Variants in SPRTN observed in about 807,000 individuals in gnomAD.
SPRTN encodes SprT-like N-terminal domain.
A neutral mutation model predicts 31.9 loss-of-function variants in SPRTN; 11 were observed. The observed-to-expected ratio is 0.34, with a 90% CI of 0.22 to 0.57. The LOEUF is 0.57. Ranked by LOEUF, SPRTN falls within the 20% of genes least tolerant of loss-of-function variation. The pLI is 0.86. For missense variants in SPRTN, 482 were observed against 590.1 expected, an observed-to-expected ratio of 0.82 and a Z score of 1.90; for synonymous variants, 185 against 212.1, an observed-to-expected ratio of 0.87 and a Z score of 1.11.
At chr1:231,346,603 A>C (rs913585098) in intron 2 of SPRTN, among the ~76,000 whole-genome samples, 2 of 151,768 alleles carry the variant, frequency 1.3e-5, no homozygotes, top group Non-Finnish European at 2.9e-5. Context: ...TTATACATAT[A>C]TTTTTCTGAG....
At chr1:231,341,916 G>A (rs977381048) in intron 2 of SPRTN, among the ~76,000 whole-genome samples, 1 of 151,830 alleles carries the variant, frequency 6.6e-6, no homozygotes, top group African/African-American at 2.4e-5. Flanking sequence ...AACTCGGGAG[G>A]TGGAGGTTAC....
At chr1:231,351,205 T>TA (rs35814914) in intron 3 of SPRTN, 99 bp from the exon 4 acceptor site, 71,681 of 960,828 alleles carry the variant, frequency 0.075, 565 homozygotes, top group Admixed American at 0.1. Flanking sequence ...TTTCAAAAAT[T>TA]AAAAAAAAAA....
At chr1:231,340,059 A>C (rs1371281615) in intron 2 of SPRTN, 191 bp downstream of exon 2, 2 of 500,796 alleles carry the variant, frequency 4.0e-6, no homozygotes, top group Non-Finnish European at 6.9e-6. Flanking sequence ...AAAAAAAAAA[A>C]AACAAAAAAA....
rs920124525 is a variant in SPRTN at position 231,352,893 on chromosome 1, A to G, written c.1002A>G (p.Arg334=). The part of the protein sequence containing the change: ...HQNVLSNYFP[R]VSFANQKAFR... Reference sequence around the variant, plus strand: ...ATGTTCTAAGCAACTACTTTCCTAGAGTATCATTTGCCAACCAAAAGGCTT... The same window carrying G: ...ATGTTCTAAGCAACTACTTTCCTAGGGTATCATTTGCCAACCAAAAGGCTT... Residue 334 remains arginine (R), a synonymous_variant, in exon 5 of 5, where the codon AGA becomes AGG. Transcript: ENST00000295050. 1.4e-5 allele frequency: 23 copies of G among 1,614,170 alleles called. No homozygotes were observed. Among genetic ancestry groups the G allele is most frequent in the Non-Finnish European group, 1.9e-5 (23 of 1,180,006 alleles).
intron 1 of SPRTN, 83 bp downstream of exon 1, chr1:231,338,687 T>C: frequency 1.2e-5 from 18 of 1,526,068 alleles, no homozygotes; most frequent in Non-Finnish European, 1.6e-5. Context: ...CTCCTTTCTC[T>C]AGTCCGACGG....
rs1037032213 is a variant in SPRTN at position 231,353,598 on chromosome 1, C to G, written c.*237C>G. 1.7e-6 allele frequency: 2 copies of G among 1,178,724 alleles called. No individual in the cohort carries two copies. Among genetic ancestry groups the G allele is most frequent in the Non-Finnish European group, 2.1e-6 (2 of 953,368 alleles). 73.0% of individuals were successfully genotyped at this position (1,178,724 alleles called of 1,614,324 possible). The stretch of plus-strand genomic sequence containing the variant: ...ATACTGTAACCCAGGTTCTGCCTGT[C>G]GTGTATAAGTTTTAGATACTTTTGT... On this transcript the variant is annotated 3_prime_UTR_variant, in exon 5 of 5. Coordinates refer to ENST00000295050, the MANE Select transcript of SPRTN (RefSeq NM_032018.7).
chr1:231,341,327 T>C (rs1479019601), intron 2 of SPRTN, among the ~76,000 whole-genome samples: 1 of 151,902 alleles, frequency 6.6e-6, no homozygotes, highest in Non-Finnish European at 1.5e-5. Flanking sequence ...CAGAAGTGTT[T>C]CAGATTTTTT....
Position 231,353,596 on chromosome 1 carries a change from G to C in SPRTN, c.*235G>C. 8.4e-7 allele frequency: 1 copy of C among 1,185,206 alleles called. No homozygotes were observed. Among genetic ancestry groups the C allele is most frequent in the Non-Finnish European group, 1.0e-6 (1 of 957,462 alleles). The allele number at this position is 1,185,206 out of a possible 1,614,324, so 73.4% of individuals were successfully genotyped here. A position where few individuals can be genotyped will look rare whatever the true frequency, so the allele number is the denominator to read the frequency against. ...GTATACTGTAACCCAGGTTCTGCCT[G>C]TCGTGTATAAGTTTTAGATACTTTT... On this transcript the variant is annotated 3_prime_UTR_variant, in exon 5 of 5. Coordinates refer to ENST00000295050, the MANE Select transcript of SPRTN (RefSeq NM_032018.7).
chr1:231,346,162 G>A (rs1242141496), intron 2 of SPRTN, among the ~76,000 whole-genome samples: 1 of 147,618 alleles, frequency 6.8e-6, no homozygotes, highest in Non-Finnish European at 1.5e-5. Context: ...AAATAAAGTT[G>A]GGCATTTTTT....
Position 231,353,586 on chromosome 1 carries a change from G to T in SPRTN, c.*225G>T. 2 of 1,198,352 alleles carry T rather than the reference G, an allele frequency of 1.7e-6. No homozygotes were observed. Among genetic ancestry groups the T allele is most frequent in the East Asian group, 7.3e-5 (2 of 27,534 alleles). 74.2% of individuals were successfully genotyped at this position (1,198,352 alleles called of 1,614,324 possible). On this transcript the variant is annotated 3_prime_UTR_variant, in exon 5 of 5. Coordinates refer to ENST00000295050, the MANE Select transcript of SPRTN (RefSeq NM_032018.7). ...CTTGCCTTAGGTATACTGTAACCCA[G>T]GTTCTGCCTGTCGTGTATAAGTTTT... is the stretch of plus-strand genomic sequence containing the variant.
Position 231,354,999 on chromosome 1 carries a change from T to G in SPRTN, c.*1638T>G, listed in dbSNP as rs1687349707. The G allele has an allele frequency of 1.2e-6, 1 of 859,202 alleles. No homozygotes were observed. Among genetic ancestry groups the G allele is most frequent in the South Asian group, 5.3e-5 (1 of 18,702 alleles). 53.2% of individuals were successfully genotyped at this position (859,202 alleles called of 1,614,324 possible). A position where few individuals can be genotyped will look rare whatever the true frequency, so the allele number is the denominator to read the frequency against. Reference sequence around the variant, plus strand: ...GATATTCCTTAAAGCATTAAAACATTTTAATAAATACTTATAAATAGGTAT... The same window carrying G: ...GATATTCCTTAAAGCATTAAAACATGTTAATAAATACTTATAAATAGGTAT... On this transcript the variant is annotated 3_prime_UTR_variant, in exon 5 of 5. Transcript: ENST00000295050.
chr1:231,343,780 C>T (rs564392066), intron 2 of SPRTN, among the ~76,000 whole-genome samples: 4 of 152,116 alleles, frequency 2.6e-5, no homozygotes, highest in African/African-American at 9.6e-5. Context: ...CAACTCATCA[C>T]TCCTGCGATT....
At chr1:231,352,506 C>A (rs1257384345) in intron 4 of SPRTN, 104 bp from the exon 5 acceptor site, 14 of 1,489,834 alleles carry the variant, frequency 9.4e-6, no homozygotes, top group South Asian at 3.0e-5. Flanking sequence ...GAATAAAATA[C>A]TAGTTCTTCA....
chr1:231,349,628 G>C (rs903355305), intron 3 of SPRTN, among the ~76,000 whole-genome samples: 2 of 152,128 alleles, frequency 1.3e-5, no homozygotes, highest in African/African-American at 4.8e-5. Context: ...ACTCTGCAGG[G>C]TATCTACATT....
At position 231,353,289 on chromosome 1, in the gene SPRTN, T is replaced by G; in HGVS notation, c.1398T>G (p.Ser466=). The G allele has an allele frequency of 6.2e-7, 1 of 1,612,840 alleles. No individual in the cohort carries two copies. The highest frequency in any genetic ancestry group is 8.5e-7 in the Non-Finnish European group (1 of 1,179,700). ...CPVCQNEVLE[S]QINEHLDWCL... Reference sequence around the variant, plus strand: ...TTTGTCAGAATGAAGTTCTGGAGTCTCAGATTAATGAGCACTTGGACTGGT... The same window carrying G: ...TTTGTCAGAATGAAGTTCTGGAGTCGCAGATTAATGAGCACTTGGACTGGT... The change falls in exon 5 of 5, where the codon TCT becomes TCG. Residue 466 remains serine, a synonymous_variant. Transcript: ENST00000295050.
intron 3 of SPRTN, among the ~76,000 whole-genome samples, chr1:231,350,802 G>A (rs1687200812): frequency 6.9e-6 from 1 of 144,500 alleles, no homozygotes; most frequent in Admixed American, 7.1e-5. Flanking sequence ...AAGCTTCACT[G>A]GGTAAGATAC....
At position 231,338,380 on chromosome 1, in the gene SPRTN, A is replaced by G. The variant is rs553879784; in HGVS notation, c.-4A>G. ...GGCGGACCCCGCCTGTGATCCTGGC[A>G]ACGATGGATGATGACTTGATGTTGG... On this transcript the variant is annotated 5_prime_UTR_variant, in exon 1 of 5. Coordinates refer to ENST00000295050, the MANE Select transcript of SPRTN (RefSeq NM_032018.7). 1.1e-5 allele frequency: 18 copies of G among 1,613,662 alleles called. No homozygotes were observed. In the East Asian group the frequency reaches 4.0e-4, roughly 36 times the overall value.
rs1687317956 is a variant in SPRTN at position 231,353,948 on chromosome 1, A to G, written c.*587A>G. On this transcript the variant is annotated 3_prime_UTR_variant, in exon 5 of 5. Coordinates refer to ENST00000295050, the MANE Select transcript of SPRTN (RefSeq NM_032018.7). Reference sequence around the variant, plus strand: ...TGTCCCACTTTTACTAAACAGTGGCAGCAGATTTTAAGTTAAAGAATATGG... The same window carrying G: ...TGTCCCACTTTTACTAAACAGTGGCGGCAGATTTTAAGTTAAAGAATATGG... 1.1e-6 allele frequency: 1 copy of G among 930,130 alleles called. No individual in the cohort carries two copies. Among genetic ancestry groups the G allele is most frequent in the African/African-American group, 1.8e-5 (1 of 56,148 alleles). 57.6% of individuals were successfully genotyped at this position (930,130 alleles called of 1,614,324 possible).
intron 3 of SPRTN, among the ~76,000 whole-genome samples, chr1:231,348,152 A>G (rs1687118576): frequency 6.6e-6 from 1 of 152,172 alleles, no homozygotes; most frequent in Non-Finnish European, 1.5e-5. Context: ...TCAACATTTT[A>G]CACACAGGTA....
Sources: gnomAD v4.1 joint callset for allele counts (sites outside exome capture counted in the v4.1 genomes callset) on GRCh38, gnomAD v4.1.1 for gene constraint, MANE v1.5 for transcripts, NCBI Gene and HGNC (gene_info 2026-07-23, HGNC 2026-07-21) for gene names.